ZDHHC19: variants seen among roughly 807,000 people sequenced by gnomAD.
The protein encoded by ZDHHC19 is palmitoyltransferase ZDHHC19.
In ZDHHC19, 30 loss-of-function variants were observed where a neutral mutation model predicts 33.9. That is an observed-to-expected ratio of 0.88 (90% CI 0.66 to 1.20). The LOEUF (loss-of-function observed/expected upper bound fraction) is 1.20, where lower values mean the gene tolerates loss of function less well. ZDHHC19 is among the 50% of genes most tolerant of loss of function. ZDHHC19 has a pLI of 0.00. For missense variants in ZDHHC19, 364 were observed against 401.1 expected, an observed-to-expected ratio of 0.91 and a Z score of 0.79; for synonymous variants, 178 against 167.6, an observed-to-expected ratio of 1.06 and a Z score of -0.48.
In ZDHHC19 at chr3:196,208,475, C is replaced by A. The variant is rs75505676; in HGVS notation, c.494G>T (p.Cys165Phe). 1.9e-6 allele frequency: 3 copies of A among 1,614,060 alleles called. No homozygotes were observed. The African/African-American group carries it at 4.0e-5, about 22-fold the overall frequency. ...GACCAGCATGGCGCCCGAGTAGAGG[C>A]ACAGGGACAGGACAAGCAGCATGAA... ...RFFMLLVLSL[C>F]LYSGAMLVTC... The change falls in exon 4 of 8, where the codon TGC becomes TTC. Residue 165 changes from cysteine to phenylalanine, a missense_variant. By Grantham distance (205) the Cys-to-Phe change is radical. Transcript: ENST00000296326.
intron 5 of ZDHHC19, among the ~76,000 whole-genome samples, chr3:196,199,968 T>G (rs1040027473): frequency 2.0e-5 from 3 of 151,350 alleles, no homozygotes; most frequent in Admixed American, 6.6e-5. Flanking sequence ...TGGTATTGTA[T>G]TAGTCATTTA....
chr3:196,198,632 G>T, intron 6 of ZDHHC19, 157 bp downstream of exon 6: 5 of 1,552,188 alleles, frequency 3.2e-6, no homozygotes, highest in Non-Finnish European at 2.6e-6. Context: ...AGCCAAGGAC[G>T]TAGGGAGGCC....
At chr3:196,202,856 T>C (rs565894561) in intron 5 of ZDHHC19, among the ~76,000 whole-genome samples, 9 of 152,280 alleles carry the variant, frequency 5.9e-5, no homozygotes. Flanking sequence ...GTCAGGAGAC[T>C]TGGCTGCTGG....
In ZDHHC19 at chr3:196,208,043, A is replaced by G. The variant is rs190302233; in HGVS notation, c.581+345T>C. 2.4e-3 allele frequency among the ~76,000 whole-genome samples: 356 copies of G among 151,288 alleles called. 3 individuals are homozygous for G. The highest frequency in any genetic ancestry group is 8.4e-3 in the African/African-American group (346 of 41,174). ...CTCAGCCTTCCAGGTAGCTGGGACT[A>G]TAGGCGCGAGCCATCACGCCCGGCT... On this transcript the variant is annotated intron_variant, in intron 4 of 7. Transcript: ENST00000296326.
At position 196,198,841 on chromosome 3, in the gene ZDHHC19, G is replaced by T. The variant is rs759207105; in HGVS notation, c.721C>A (p.Gln241Lys). The T allele has an allele frequency of 9.3e-5, 150 of 1,613,974 alleles. No individual in the cohort carries two copies. The highest frequency in any genetic ancestry group is 1.8e-4 in the Admixed American group (11 of 59,996). The change falls in exon 6 of 8, where the codon CAG (glutamine) becomes AAG (lysine). Residue 241 changes from glutamine to lysine, a missense_variant. Transcript: ENST00000296326. ...AAATACCAGTTGCTGGCACAGCCCTGGTCGAAGGGGTTGTATCCCTGAAGG... is the reference window on the plus strand; with the variant it reads ...AAATACCAGTTGCTGGCACAGCCCTTGTCGAAGGGGTTGTATCCCTGAAGG... ...RHLQGYNPFDQGCASNWYLTI... is the reference protein window; with the variant it reads ...RHLQGYNPFDKGCASNWYLTI...
rs374401772 is a variant in ZDHHC19, at chr3:196,210,598, A to C, written c.268+18T>G. The C allele has an allele frequency of 5.1e-5, 83 of 1,613,792 alleles. No homozygotes were observed. The African/African-American group carries it at 8.0e-4, about 16-fold the overall frequency. ...CCCTTGAGTGACACCTCCTTTTCCCAGGGGGCTGATGCCTCACCTTGATGT... is the reference window on the plus strand; with the variant it reads ...CCCTTGAGTGACACCTCCTTTTCCCCGGGGGCTGATGCCTCACCTTGATGT... On this transcript the variant is annotated intron_variant, in intron 2 of 7. Transcript: ENST00000296326.
Position 196,210,850 on chromosome 3 carries a change from C to A in ZDHHC19, c.147-113G>T, listed in dbSNP as rs574155312. On this transcript the variant is annotated intron_variant, in intron 1 of 7. Transcript: ENST00000296326. ...AGACCTTCAAGCCAGATCTAAAAAT[C>A]CAGGCTCCAAATACCCAGGCAGACT... 10 of 1,453,804 alleles carry A rather than the reference C, an allele frequency of 6.9e-6. No homozygotes were observed. In the Admixed American group the frequency reaches 2.1e-4, roughly 31 times the overall value. The allele number at this position is 1,453,804 out of a possible 1,614,324, so 90.1% of individuals were successfully genotyped here. A position where few individuals can be genotyped will look rare whatever the true frequency, so the allele number is the denominator to read the frequency against.
chr3:196,210,285 A>AGAAAGAAAGAAAGAAAGAAAGAAG (rs750596258), intron 2 of ZDHHC19, among the ~76,000 whole-genome samples: 1 of 139,562 alleles, frequency 7.2e-6, no homozygotes, highest in African/African-American at 2.7e-5. Context: ...AAAGAAAGAA[A>AGAAAGAAAGAAAGAAAGAAAGAAG]GAAGGAAGGA....
In ZDHHC19 at chr3:196,209,474, C is replaced by T. The variant is rs1448112923; in HGVS notation, c.310G>A (p.Val104Met). ...QGPLTVHVVW[V>M]NHGAFRLQWC... ...TGCAGGCGGAAGGCCCCGTGGTTCA[C>T]CCACACCACGTGCACCGTCAAGGGG... The change falls in exon 3 of 8, where the codon GTG becomes ATG. Residue 104 changes from valine to methionine, a missense_variant. By Grantham distance (21) the Val-to-Met change is conservative (BLOSUM62 1). Transcript: ENST00000296326. 15 of 1,612,562 alleles carry T rather than the reference C, an allele frequency of 9.3e-6. No homozygotes were observed. The highest frequency in any genetic ancestry group is 2.7e-5 in the African/African-American group (2 of 74,936).
intron 5 of ZDHHC19, among the ~76,000 whole-genome samples, chr3:196,201,261 CG>C (rs1722325400): frequency 6.6e-6 from 1 of 151,326 alleles, no homozygotes. Context: ...TTAGTAGAGA[CG>C]GGGTTTCACT....
chr3:196,198,107 G>C (rs1296093718), intron 7 of ZDHHC19, among the ~76,000 whole-genome samples, 169 bp downstream of exon 7: 1 of 152,046 alleles, frequency 6.6e-6, no homozygotes, highest in South Asian at 2.1e-4. Flanking sequence ...CTAGAGGCCT[G>C]GGCCCTGCTT....
At position 196,211,298 on chromosome 3, in the gene ZDHHC19, A is replaced by ATCCGT. The variant is rs1303189019; in HGVS notation, c.13_17dup (p.Asp6GlufsTer8). ...GGGGCTCCTTCACCAGCGGCGTGGC[A>ATCCGT]TCCGTTAAGAGTGTCATGGCTGGGC... On this transcript the variant is annotated frameshift_variant, in exon 1 of 8. Transcript: ENST00000296326. LOFTEE classifies it high-confidence loss of function. 6.2e-7 allele frequency: 1 copy of ATCCGT among 1,613,404 alleles called. No homozygotes were observed. Among genetic ancestry groups the ATCCGT allele is most frequent in the East Asian group, 2.2e-5 (1 of 44,880 alleles).
intron 5 of ZDHHC19, among the ~76,000 whole-genome samples, chr3:196,200,871 A>C (rs1722285702): frequency 1.3e-5 from 2 of 151,172 alleles, no homozygotes; most frequent in Non-Finnish European, 2.9e-5. Flanking sequence ...GCTGGTCTTG[A>C]ACTCCTGGCC....
rs1286636569 is a variant in ZDHHC19 at position 196,210,379 on chromosome 3, AGAGG to A, written c.268+233_268+236del. On this transcript the variant is annotated intron_variant, in intron 2 of 7. Transcript: ENST00000296326. The stretch of plus-strand genomic sequence containing the variant: ...AAGAAAGAAGGAAGGAAGGAAAGAG[AGAGG>A]AAGGAAGGAAAGAAAGAGGGAGAGA... 2.9e-3 allele frequency among the ~76,000 whole-genome samples: 283 copies of A among 96,088 alleles called. 7 individuals carry two copies. Among genetic ancestry groups the A allele is most frequent in the African/African-American group, 8.5e-3 (259 of 30,544 alleles). 63.0% of individuals were successfully genotyped at this position (96,088 alleles called of 152,430 possible).
chr3:196,209,753 G>C (rs151268748), intron 2 of ZDHHC19, among the ~76,000 whole-genome samples: 7 of 152,346 alleles, frequency 4.6e-5, no homozygotes, highest in African/African-American at 1.7e-4. Context: ...GTGCTGCTTT[G>C]AGTGTCATTG....
At chr3:196,202,787 C>T (rs900720715) in intron 5 of ZDHHC19, among the ~76,000 whole-genome samples, 3 of 152,194 alleles carry the variant, frequency 2.0e-5, no homozygotes, top group Non-Finnish European at 4.4e-5. Context: ...GTGAGCACAG[C>T]GGCCGGCTGA....
At chr3:196,207,543 C>A (rs1309007749) in intron 4 of ZDHHC19, 40 bp from the exon 5 acceptor site, 1 of 1,484,848 alleles carries the variant, frequency 6.7e-7, no homozygotes, top group East Asian at 2.7e-5. Flanking sequence ...ACCCCCACGC[C>A]TGGCCCCGCC....
At chr3:196,201,533 G>C (rs1413475329) in intron 5 of ZDHHC19, among the ~76,000 whole-genome samples, 2 of 151,882 alleles carry the variant, frequency 1.3e-5, no homozygotes, top group African/African-American at 4.8e-5. Flanking sequence ...GACCAGCCTG[G>C]CCAACATGGA....
intron 5 of ZDHHC19, among the ~76,000 whole-genome samples, chr3:196,202,143 A>C (rs1039740196): frequency 6.6e-5 from 10 of 152,168 alleles, no homozygotes; most frequent in African/African-American, 2.4e-4. Context: ...ACATAGTGAA[A>C]TCCCGTCTCT....
Sources: allele counts gnomAD v4.1 joint callset (sites outside exome capture counted in the v4.1 genomes callset), GRCh38; gene constraint gnomAD v4.1.1; transcripts MANE v1.5; gene names NCBI Gene and HGNC (gene_info 2026-07-23, HGNC 2026-07-21).